ABCB7: variants seen among roughly 807,000 people sequenced by gnomAD.
The protein encoded by ABCB7 is iron-sulfur clusters transporter ABCB7, mitochondrial.
A neutral mutation model predicts 54.4 loss-of-function variants in ABCB7; 7 were observed. That is an observed-to-expected ratio of 0.13 (90% CI 0.07 to 0.24). The LOEUF is 0.24. ABCB7 is among the 10% of genes least tolerant of loss of function. The probability of loss-of-function intolerance (pLI) is 1.00; values close to 1 mark genes in which losing one functional copy is unlikely to be tolerated. For synonymous variants in ABCB7, 218 were observed against 207.1 expected (o/e 1.05, Z -0.45); for missense variants, 356 against 570.4 (o/e 0.62, Z 3.83).
At chrX:75,065,005 GCT>G in intron 13 of ABCB7, 63 bp downstream of exon 13, 1 of 1,147,896 alleles carries the variant, frequency 8.7e-7, no homozygotes, top group Non-Finnish European at 1.2e-6. Context: ...CTAAAAAATG[GCT>G]CTGACAAATT....
At chrX:75,083,390 T>C (rs1262154686) in intron 4 of ABCB7, among the ~76,000 whole-genome samples, 1 of 111,644 alleles carries the variant, frequency 9.0e-6, no homozygotes, top group Non-Finnish European at 1.9e-5. Flanking sequence ...CATGTCTGTA[T>C]GCTGAAAGCT....
At position 75,108,128 on chromosome X, in the gene ABCB7, G is replaced by C. The variant is rs546486164; in HGVS notation, c.333+4758C>G. Among the ~76,000 whole-genome samples, 65 of 111,341 alleles carry C rather than the reference G, an allele frequency of 5.8e-4. No homozygotes were observed. In the South Asian group the frequency reaches 0.025, roughly 43 times the overall value. ...GGCTCCTCTGATTTTGGCAAGGGGA[G>C]AGGAGTGGGAAGGACTGCATCCTGT... On this transcript the variant is annotated intron_variant, in intron 3 of 15. Coordinates refer to ENST00000373394, the MANE Select transcript of ABCB7 (RefSeq NM_001271696.3).
At position 75,099,073 on chromosome X, in the gene ABCB7, G is replaced by C; in HGVS notation, c.334-12C>G. ...TCAACATCTTTTAACTATTGAAAGA[G>C]AGAAAACAAAGCAGTGAATAACATG... On this transcript the variant is annotated splice_polypyrimidine_tract_variant and intron_variant, in intron 3 of 15. Coordinates refer to ENST00000373394, the MANE Select transcript of ABCB7 (RefSeq NM_001271696.3). 2 of 1,203,913 alleles carry C rather than the reference G, an allele frequency of 1.7e-6. No individual in the cohort carries two copies. Among genetic ancestry groups the C allele is most frequent in the Non-Finnish European group, 2.2e-6 (2 of 889,460 alleles).
At chrX:75,123,644 T>A (rs1429419604) in intron 1 of ABCB7, among the ~76,000 whole-genome samples, 2 of 112,140 alleles carry the variant, frequency 1.8e-5, no homozygotes, top group African/African-American at 6.5e-5. Context: ...TCCAAAGATA[T>A]TAAAATCTTT....
chrX:75,152,989 A>G (rs970366473), intron 1 of ABCB7, among the ~76,000 whole-genome samples: 4 of 111,197 alleles, frequency 3.6e-5, no homozygotes, highest in African/African-American at 1.3e-4. Flanking sequence ...TCACTGAATC[A>G]CCTCTCACCC....
chrX:75,055,721 T>C (rs910344666), intron 15 of ABCB7, among the ~76,000 whole-genome samples: 2 of 111,055 alleles, frequency 1.8e-5, no homozygotes, highest in Non-Finnish European at 3.8e-5. Context: ...GATCAACACA[T>C]TGAATTTATA....
intron 1 of ABCB7, among the ~76,000 whole-genome samples, chrX:75,121,625 C>T (rs2081879881): frequency 9.0e-6 from 1 of 111,668 alleles, no homozygotes; most frequent in Middle Eastern, 4.2e-3. Context: ...TCTGGACACA[C>T]CAGAATCAGC....
In ABCB7 at chrX:75,156,221, A is replaced by AAGC; in HGVS notation, c.49_51dup (p.Ala17dup). The AAGC allele has an allele frequency of 8.3e-7, 1 of 1,205,167 alleles. No individual in the cohort carries two copies. The highest frequency in any genetic ancestry group is 3.0e-5 in the East Asian group (1 of 33,566). ...ATCGCGGAGTGCCGGCGCTTTTCGA[A>AAGC]AGCAGCCGCCGCGGCCGCCCAGCGC... On this transcript the variant is annotated inframe_insertion, in exon 1 of 16. Transcript: ENST00000373394.
chrX:75,108,536 A>G (rs923258360), intron 3 of ABCB7, among the ~76,000 whole-genome samples: 3 of 108,867 alleles, frequency 2.8e-5, no homozygotes, highest in South Asian at 4.2e-4. Context: ...TCTCAACTAT[A>G]TATTGGAATT....
intron 1 of ABCB7, among the ~76,000 whole-genome samples, chrX:75,132,534 A>C (rs2081982919): frequency 8.9e-6 from 1 of 112,494 alleles, no homozygotes; most frequent in Non-Finnish European, 1.9e-5. Flanking sequence ...AGACTTGTGG[A>C]GCACAGCTCA....
At chrX:75,100,647 C>T (rs181058094) in intron 3 of ABCB7, among the ~76,000 whole-genome samples, 1 of 111,468 alleles carries the variant, frequency 9.0e-6, no homozygotes, top group Non-Finnish European at 1.9e-5. Flanking sequence ...GCCTTATTCT[C>T]GCACAGTACA....
At chrX:75,129,253 A>T (rs1342721496) in intron 1 of ABCB7, among the ~76,000 whole-genome samples, 2 of 111,812 alleles carry the variant, frequency 1.8e-5, no homozygotes, top group Non-Finnish European at 3.8e-5. Flanking sequence ...ACACCATGGA[A>T]TACTATGCAG....
At chrX:75,076,415 C>T (rs1000038923) in intron 5 of ABCB7, 107 bp downstream of exon 5, 1 of 1,004,462 alleles carries the variant, frequency 1.0e-6, no homozygotes, top group Non-Finnish European at 1.4e-6. Flanking sequence ...CAACAAACAT[C>T]CAAAACGCTA....
rs1282270952 is a variant in ABCB7, at chrX:75,071,535, A to G, written c.1181T>C (p.Val394Ala). The change falls in exon 9 of 16, where the codon GTG becomes GCG. Residue 394 changes from valine (V) to alanine (A), a missense_variant. Val to Ala is a moderately conservative substitution (Grantham distance 64). Transcript: ENST00000373394. ...TGCCACAATTCCCTGACTGGCGAGC[A>G]CCATTATAGCTGTTAAACCGACACT... Reference protein sequence around the residue: ...IFSVGLTAIMVLASQGIVAGT... With the variant: ...IFSVGLTAIMALASQGIVAGT... The G allele has an allele frequency of 8.3e-7, 1 of 1,211,509 alleles. No individual in the cohort carries two copies.
In ABCB7 at chrX:75,053,662, TAACTA is replaced by T. The variant is rs1215067198; in HGVS notation, c.2044-82_2044-78del. On this transcript the variant is annotated intron_variant, in intron 15 of 15. Transcript: ENST00000373394. ...ATAACTGAAAATACCAAATACTTTCTAACTAAGGAGTTTGAAGGATTTGCATTCAT... is the reference window on the plus strand; with the variant it reads ...ATAACTGAAAATACCAAATACTTTCTAGGAGTTTGAAGGATTTGCATTCAT... The T allele has an allele frequency of 3.5e-6, 4 of 1,141,765 alleles. No homozygotes were observed. In the African/African-American group the frequency reaches 7.2e-5, roughly 21 times the overall value. 94.1% of individuals were successfully genotyped at this position (1,141,765 alleles called of 1,213,427 possible). A position where few individuals can be genotyped will look rare whatever the true frequency, so the allele number is the denominator to read the frequency against.
At chrX:75,088,875 C>T (rs749268310) in intron 4 of ABCB7, among the ~76,000 whole-genome samples, 1 of 98,379 alleles carries the variant, frequency 1.0e-5, no homozygotes, top group African/African-American at 3.6e-5. Flanking sequence ...ACAACAACAA[C>T]AAAAAAAAAA....
chrX:75,055,568 A>C (rs1413474459), intron 15 of ABCB7, among the ~76,000 whole-genome samples: 2 of 106,238 alleles, frequency 1.9e-5, no homozygotes, highest in East Asian at 2.9e-4. Context: ...AAAAAAAAAA[A>C]AAAAAAAAAA....
intron 3 of ABCB7, among the ~76,000 whole-genome samples, chrX:75,100,822 A>C (rs2081633279): frequency 1.8e-5 from 2 of 111,795 alleles, no homozygotes; most frequent in Admixed American, 1.9e-4. Flanking sequence ...GACATACAAT[A>C]GGTACCTAAT....
intron 1 of ABCB7, among the ~76,000 whole-genome samples, chrX:75,151,239 A>G (rs776765728): frequency 1.3e-4 from 14 of 111,706 alleles, no homozygotes; most frequent in Non-Finnish European, 2.1e-4. Context: ...TTATTCAACT[A>G]TATCTGAAAA....
Sources: gnomAD v4.1 joint callset for allele counts (sites outside exome capture counted in the v4.1 genomes callset) on GRCh38, gnomAD v4.1.1 for gene constraint, MANE v1.5 for transcripts, NCBI Gene and HGNC (gene_info 2026-07-23, HGNC 2026-07-21) for gene names.